The following INTS9 variants were observed in gnomAD, a reference collection of about 807,000 sequenced individuals.
INTS9 encodes integrator complex subunit 9, also known as protein related to CPSF subunits of 74 kDa.
INTS9 carries 55 observed loss-of-function variants against 79.7 expected under a neutral mutation model. The ratio of observed to expected loss-of-function variants is 0.69; its 90% CI spans 0.56 to 0.86. INTS9 has a LOEUF of 0.86. Ranked by LOEUF, INTS9 falls within the 40% of genes least tolerant of loss-of-function variation. The pLI, the probability that INTS9 is intolerant of heterozygous loss-of-function variation, is 0.00. For synonymous variants in INTS9, 319 were observed against 325.2 expected (o/e 0.98, Z 0.20); for missense variants, 721 against 831.5 (o/e 0.87, Z 1.64).
At chr8:28,880,470 G>A (rs907129957) in intron 1 of INTS9, among the ~76,000 whole-genome samples, 8 of 152,036 alleles carry the variant, frequency 5.3e-5, no homozygotes, top group African/African-American at 1.4e-4. Flanking sequence ...TGTGTTGGCC[G>A]GGCTGGTCTC....
chr8:28,768,625 C>T (rs140364077), intron 16 of INTS9, among the ~76,000 whole-genome samples: 256 of 152,328 alleles, frequency 1.7e-3, no homozygotes, highest in Middle Eastern at 6.8e-3. Context: ...TGCACCATGC[C>T]GTTCCCTGGT....
intron 10 of INTS9, 28 bp downstream of exon 10, chr8:28,793,779 C>CAAAAAA: frequency 2.5e-6 from 3 of 1,187,988 alleles, no homozygotes; most frequent in East Asian, 2.7e-5. Flanking sequence ...ATAAAATTCA[C>CAAAAAA]AAAAAAAAAA....
Position 28,780,905 on chromosome 8 carries a change from C to G in INTS9, c.1188G>C (p.Gly396=). The G allele has an allele frequency of 1.9e-6, 3 of 1,614,114 alleles. No individual in the cohort carries two copies. Among genetic ancestry groups the G allele is most frequent in the African/African-American group, 2.7e-5 (2 of 75,022 alleles). The change falls in exon 12 of 17, where the codon GGG becomes GGC. Residue 396 remains glycine (G), a synonymous_variant. Transcript: ENST00000521022. ...CGTCCCCGAAGCGGAGGGAAGGGTG[C>G]CCGGTGAACACCACACAGGGCTGTC... The part of the protein sequence containing the change: ...DFRQPCVVFT[G]HPSLRFGDVV...
intron 1 of INTS9, among the ~76,000 whole-genome samples, chr8:28,860,053 G>T (rs1163601881): frequency 6.6e-6 from 1 of 152,192 alleles, no homozygotes; most frequent in Non-Finnish European, 1.5e-5. Context: ...CATGAGTAAA[G>T]GTTTATGCTC....
intron 1 of INTS9, among the ~76,000 whole-genome samples, chr8:28,866,615 T>A (rs1199885695): frequency 6.6e-6 from 1 of 152,230 alleles, no homozygotes; most frequent in African/African-American, 2.4e-5. Flanking sequence ...ATACGCATTT[T>A]GAATGTTACA....
chr8:28,889,847 C>A (rs941457675), intron 1 of INTS9, 27 bp downstream of exon 1: 42 of 1,613,372 alleles, frequency 2.6e-5, no homozygotes, highest in Non-Finnish European at 3.6e-5. Context: ...ATCACCTTTG[C>A]CCTCTGACCT....
chr8:28,834,416 T>G, intron 6 of INTS9, among the ~76,000 whole-genome samples: 1 of 152,224 alleles, frequency 6.6e-6, no homozygotes, highest in East Asian at 1.9e-4. Flanking sequence ...TTCATTCTCT[T>G]GCTCCAACTC....
At chr8:28,853,404 A>G (rs1807960374) in intron 2 of INTS9, among the ~76,000 whole-genome samples, 1 of 148,400 alleles carries the variant, frequency 6.7e-6, no homozygotes, top group African/African-American at 2.6e-5. Context: ...AAAGAGCAAA[A>G]CTCCATCTCA....
intron 6 of INTS9, 97 bp downstream of exon 6, chr8:28,835,195 A>C (rs1254358306): frequency 2.6e-6 from 2 of 762,518 alleles, no homozygotes; most frequent in Admixed American, 5.6e-5. Context: ...AATATAACCA[A>C]ATCATTGTTT....
Position 28,850,252 on chromosome 8 carries a change from A to G in INTS9, c.159T>C (p.Pro53=), listed in dbSNP as rs1563296373. ...CATTTCCATCCTTCAGGGACCAGCC[A>G]GGAAGATTGGACAGCCTGGGACTGC... ...LVQSPRLSNL[P]GWSLKDGNAF... is the part of the protein sequence containing the mutation. Residue 53 remains proline, a synonymous_variant, in exon 3 of 17, where the codon CCT becomes CCC. Coordinates refer to ENST00000521022, the MANE Select transcript of INTS9 (RefSeq NM_018250.4). The G allele has an allele frequency of 1.9e-6, 3 of 1,613,772 alleles. No individual in the cohort carries two copies. In the Admixed American group the frequency reaches 5.0e-5, roughly 27 times the overall value.
In INTS9 at chr8:28,825,744, C is replaced by G. The variant is rs1806109064; in HGVS notation, c.488+9548G>C. ...GTACTAGCAGCGTTCTGACCAAGCC[C>G]TTAGAAGGGAAAGTGGAAAGCATGA... is the stretch of plus-strand genomic sequence containing the variant. On this transcript the variant is annotated intron_variant, in intron 6 of 16. Coordinates refer to ENST00000521022, the MANE Select transcript of INTS9 (RefSeq NM_018250.4). 2.0e-5 allele frequency among the ~76,000 whole-genome samples: 3 copies of G among 152,204 alleles called. No homozygotes were observed. The South Asian group carries it at 6.2e-4, about 31-fold the overall frequency.
rs1201519384 is a variant in INTS9, at chr8:28,830,161, C to G, written c.488+5131G>C. ...AAGCAGCGTTTGTCAATGTAGCATG[C>G]TGCAGTAGTTTGGGACATTAGATAT... On this transcript the variant is annotated intron_variant, in intron 6 of 16. Coordinates refer to ENST00000521022, the MANE Select transcript of INTS9 (RefSeq NM_018250.4). Among the ~76,000 whole-genome samples, 3 of 152,148 alleles carry G rather than the reference C, an allele frequency of 2.0e-5. No homozygotes were observed. The East Asian group carries it at 5.8e-4, about 29-fold the overall frequency.
chr8:28,874,964 G>A (rs1326567158), intron 1 of INTS9, among the ~76,000 whole-genome samples: 1 of 152,216 alleles, frequency 6.6e-6, no homozygotes, highest in African/African-American at 2.4e-5. Context: ...CATAAGGCAA[G>A]GAGGAGCAAG....
rs540854138 is a variant in INTS9 at position 28,819,172 on chromosome 8, A to T, written c.489-5560T>A. ...TTTCCTTCAGTTCTGCTCTGATTTCAGTTATTTCTTGCCTTCTGCTAGCTT... is the reference window on the plus strand; with the variant it reads ...TTTCCTTCAGTTCTGCTCTGATTTCTGTTATTTCTTGCCTTCTGCTAGCTT... On this transcript the variant is annotated intron_variant, in intron 6 of 16. Coordinates refer to ENST00000521022, the MANE Select transcript of INTS9 (RefSeq NM_018250.4). Among the ~76,000 whole-genome samples the T allele has an allele frequency of 2.1e-3, 312 of 152,110 alleles. 3 individuals carry two copies. The highest frequency in any genetic ancestry group is 7.1e-3 in the African/African-American group (295 of 41,482).
At chr8:28,822,303 CT>C (rs35442249) in intron 6 of INTS9, among the ~76,000 whole-genome samples, 29,786 of 150,214 alleles carry the variant, frequency 0.2, 3,222 homozygotes, top group East Asian at 0.46. Flanking sequence ...GGGTAGAAAA[CT>C]TTTTTTTTTA....
intron 1 of INTS9, among the ~76,000 whole-genome samples, chr8:28,874,927 G>A (rs551284251): frequency 6.6e-6 from 1 of 152,190 alleles, no homozygotes; most frequent in Non-Finnish European, 1.5e-5. Flanking sequence ...ACAGTTCCAC[G>A]TGGCTGGGAA....
rs1229782478 is a variant in INTS9, at chr8:28,871,825, G to T, written c.10-12262C>A. Among the ~76,000 whole-genome samples, 5 of 152,230 alleles carry T rather than the reference G, an allele frequency of 3.3e-5. No individual in the cohort carries two copies. The East Asian group carries it at 9.6e-4, about 29-fold the overall frequency. On this transcript the variant is annotated intron_variant, in intron 1 of 16. Coordinates refer to ENST00000521022, the MANE Select transcript of INTS9 (RefSeq NM_018250.4). ...AAAAACTACTTTGAATAAGGTAAAAGATTATCTGGGAAAATAATATTTATA... is the reference window on the plus strand; with the variant it reads ...AAAAACTACTTTGAATAAGGTAAAATATTATCTGGGAAAATAATATTTATA...
chr8:28,837,703 T>C lies in INTS9; in HGVS notation c.335A>G (p.Tyr112Cys). The change falls in exon 5 of 17, where the codon TAC becomes TGC. Residue 112 changes from tyrosine (Y) to cysteine (C), a missense_variant. Tyr to Cys is a radical substitution (Grantham distance 194, BLOSUM62 -2). Around this residue, in one of 3 missense-constraint regions of INTS9, gnomAD observed 291 missense variants for 307.0 expected, o/e 0.95. Transcript: ENST00000521022. ...TGTGAAGCCGGTGTGCTCGGTGATGTATGGCAGCGCCATCATACAGTGATA... is the reference window on the plus strand; with the variant it reads ...TGTGAAGCCGGTGTGCTCGGTGATGCATGGCAGCGCCATCATACAGTGATA... The part of the protein sequence containing the change: ...SNYHCMMALP[Y>C]ITEHTGFTGT... The C allele has an allele frequency of 6.2e-7, 1 of 1,614,034 alleles. No individual in the cohort carries two copies. Among genetic ancestry groups the C allele is most frequent in the Non-Finnish European group, 8.5e-7 (1 of 1,179,994 alleles).
In INTS9 at chr8:28,777,879, C is replaced by T; in HGVS notation, c.1345G>A (p.Asp449Asn). Residue 449 changes from aspartate to asparagine, a missense_variant, in exon 13 of 17, where the codon GAC becomes AAC. Coordinates refer to ENST00000521022, the MANE Select transcript of INTS9 (RefSeq NM_018250.4). ...ACCTGGATGAAGTTCAGCCGGGTGT[C>T]GATGGGGCAGTAGATGCATTTCATG... ...LAMKCIYCPI[D>N]TRLNFIQVSK... The T allele has an allele frequency of 6.2e-6, 10 of 1,612,408 alleles. No homozygotes were observed. Among genetic ancestry groups the T allele is most frequent in the Admixed American group, 1.7e-5 (1 of 59,834 alleles).
Sources: allele counts gnomAD v4.1 joint callset (sites outside exome capture counted in the v4.1 genomes callset), GRCh38; gene constraint gnomAD v4.1.1; regional missense constraint gnomAD v4.1.1; transcripts MANE v1.5; gene names NCBI Gene and HGNC (gene_info 2026-07-23, HGNC 2026-07-21).